NFATC2: variants seen among roughly 807,000 people sequenced by gnomAD.
The protein encoded by NFATC2 is nuclear factor of activated T-cells, cytoplasmic 2.
Under a neutral mutation model 87.3 loss-of-function variants are expected in NFATC2, and 22 were observed. That is an observed-to-expected ratio of 0.25 (90% CI 0.18 to 0.36). NFATC2 has a LOEUF of 0.36. NFATC2 is among the 10% of genes least tolerant of loss of function. The pLI, the probability that NFATC2 is intolerant of heterozygous loss-of-function variation, is 1.00. For synonymous variants in NFATC2, 565 were observed against 542.2 expected (o/e 1.04, Z -0.58); for missense variants, 1,149 against 1,259.1 (o/e 0.91, Z 1.32).
At chr20:51,484,059 A>G (rs1319401561) in intron 3 of NFATC2, among the ~76,000 whole-genome samples, 1 of 151,966 alleles carries the variant, frequency 6.6e-6, no homozygotes, top group Non-Finnish European at 1.5e-5. Context: ...AAGATCCCAT[A>G]TGATCTGGCC....
At chr20:51,435,590 T>C in intron 7 of NFATC2, 116 bp downstream of exon 7, 1 of 1,138,142 alleles carries the variant, frequency 8.8e-7, no homozygotes, top group East Asian at 2.6e-5. Context: ...ATTGAGTACC[T>C]GTTAGGTCCA....
chr20:51,464,736 T>C, intron 5 of NFATC2, among the ~76,000 whole-genome samples: 1 of 152,244 alleles, frequency 6.6e-6, no homozygotes, highest in Non-Finnish European at 1.5e-5. Flanking sequence ...GTCTCTGATT[T>C]ATAATGAGAT....
chr20:51,463,902 C>A (rs552403282), intron 5 of NFATC2, among the ~76,000 whole-genome samples: 1 of 152,292 alleles, frequency 6.6e-6, no homozygotes, highest in African/African-American at 2.4e-5. Context: ...CTTCCCAGCT[C>A]CCTCATAAGT....
chr20:51,441,448 G>T (rs898100913), intron 6 of NFATC2, among the ~76,000 whole-genome samples: 1 of 151,780 alleles, frequency 6.6e-6, no homozygotes. Flanking sequence ...AGGTTCGGTG[G>T]CTCATGACTG....
At chr20:51,435,893 G>T in intron 6 of NFATC2, 132 bp from the exon 7 acceptor site, 1 of 717,792 alleles carries the variant, frequency 1.4e-6, no homozygotes, top group Non-Finnish European at 2.4e-6. Context: ...GTCAATATGT[G>T]CACGTGTGTG....
At chr20:51,428,481 G>C (rs982487585) in intron 9 of NFATC2, among the ~76,000 whole-genome samples, 1 of 152,216 alleles carries the variant, frequency 6.6e-6, no homozygotes, top group East Asian at 1.9e-4. Context: ...GCGCCTTGGT[G>C]TTCCAAGAAC....
chr20:51,516,753 C>T (rs377129204), intron 3 of NFATC2, 31 bp downstream of exon 3: 7 of 1,564,858 alleles, frequency 4.5e-6, no homozygotes, highest in Middle Eastern at 1.8e-4. Context: ...ACAAACACCA[C>T]ACACAAAAGG....
chr20:51,452,106 C>T (rs1351897950), intron 6 of NFATC2, among the ~76,000 whole-genome samples: 1 of 152,038 alleles, frequency 6.6e-6, no homozygotes, highest in Non-Finnish European at 1.5e-5. Flanking sequence ...GCAGACTTTA[C>T]CTTCATCATC....
chr20:51,459,784 T>G (rs1489084956), intron 5 of NFATC2, among the ~76,000 whole-genome samples: 1 of 151,926 alleles, frequency 6.6e-6, no homozygotes, highest in African/African-American at 2.4e-5. Flanking sequence ...GTGGCTGAGG[T>G]GGGAGAATCG....
chr20:51,540,385 A>G (rs551376770), intron 1 of NFATC2, among the ~76,000 whole-genome samples: 1 of 152,338 alleles, frequency 6.6e-6, no homozygotes, highest in East Asian at 1.9e-4. Context: ...CCGAAAACCT[A>G]GAGCCCTAGT....
intron 3 of NFATC2, among the ~76,000 whole-genome samples, chr20:51,502,790 A>C (rs763078160): frequency 1.8e-4 from 28 of 152,204 alleles, no homozygotes; most frequent in Non-Finnish European, 1.6e-4. Flanking sequence ...TCCAAAAACT[A>C]TTCCTAGGAC....
intron 9 of NFATC2, among the ~76,000 whole-genome samples, chr20:51,428,002 T>C (rs1031934081): frequency 6.6e-6 from 1 of 152,056 alleles, no homozygotes; most frequent in African/African-American, 2.4e-5. Context: ...CCCAGAACAG[T>C]GTCCAGCACA....
intron 9 of NFATC2, among the ~76,000 whole-genome samples, chr20:51,412,563 G>A (rs1004903965): frequency 6.6e-6 from 1 of 152,156 alleles, no homozygotes; most frequent in South Asian, 2.1e-4. Context: ...GAAACAGCCT[G>A]TAACCACAGC....
At chr20:51,502,012 C>T (rs1338458788) in intron 3 of NFATC2, among the ~76,000 whole-genome samples, 2 of 152,198 alleles carry the variant, frequency 1.3e-5, no homozygotes, top group African/African-American at 2.4e-5. Context: ...ATTTGGCTGG[C>T]ATAGTTTGAC....
chr20:51,475,671 A>T lies in NFATC2; in HGVS notation c.1333-11T>A. On this transcript the variant is annotated splice_polypyrimidine_tract_variant and intron_variant, in intron 3 of 10. Coordinates refer to ENST00000371564, the MANE Select transcript of NFATC2 (RefSeq NM_012340.5). ...CATGTAGCCATGGAGCTGGTGGGGG[A>T]GAAAACAAAATCATTAAGGTGCGGG... The T allele has an allele frequency of 6.2e-7, 1 of 1,613,746 alleles. No homozygotes were observed. The highest frequency in any genetic ancestry group is 8.5e-7 in the Non-Finnish European group (1 of 1,179,808).
At chr20:51,447,434 C>G (rs1224637002) in intron 6 of NFATC2, among the ~76,000 whole-genome samples, 5 of 152,236 alleles carry the variant, frequency 3.3e-5, no homozygotes, top group Admixed American at 6.5e-5. Flanking sequence ...GTTGGCCAAG[C>G]CTGGGGGCCT....
At chr20:51,525,976 C>T (rs1393422122) in intron 1 of NFATC2, among the ~76,000 whole-genome samples, 1 of 144,026 alleles carries the variant, frequency 6.9e-6, no homozygotes, top group African/African-American at 2.6e-5. Flanking sequence ...ACCCCTCCAA[C>T]CTCTTCGCCG....
intron 9 of NFATC2, chr20:51,398,968 G>A: frequency 2.2e-6 from 1 of 459,968 alleles, no homozygotes; most frequent in Non-Finnish European, 3.9e-6. Context: ...TATGTGGGGT[G>A]TGGGATCAGG....
intron 1 of NFATC2, among the ~76,000 whole-genome samples, chr20:51,525,170 A>C (rs572008405): frequency 6.6e-6 from 1 of 152,342 alleles, no homozygotes; most frequent in East Asian, 1.9e-4. Context: ...CAATGAGCCA[A>C]GACTGTGCCA....
Sources: allele counts gnomAD v4.1 joint callset (sites outside exome capture counted in the v4.1 genomes callset), GRCh38; gene constraint gnomAD v4.1.1; transcripts MANE v1.5; gene names NCBI Gene and HGNC (gene_info 2026-07-23, HGNC 2026-07-21).